SPEF2: variants seen among roughly 807,000 people sequenced by gnomAD.
The protein encoded by SPEF2 is sperm flagella and cilia-associated protein 2.
SPEF2 carries 187 observed loss-of-function variants against 224.6 expected under a neutral mutation model. The ratio of observed to expected loss-of-function variants is 0.83; its 90% CI spans 0.74 to 0.94. The LOEUF (loss-of-function observed/expected upper bound fraction) is 0.94. SPEF2 is among the 40% of genes least tolerant of loss of function. The pLI, the probability that SPEF2 is intolerant of heterozygous loss-of-function variation, is 0.00. For missense variants in SPEF2, 2,170 were observed against 2,135.6 expected, an observed-to-expected ratio of 1.02 and a Z score of -0.32; for synonymous variants, 715 against 707.3, an observed-to-expected ratio of 1.01 and a Z score of -0.17.
chr5:35,797,465 T>A (rs1424947733), intron 33 of SPEF2, among the ~76,000 whole-genome samples: 1 of 151,996 alleles, frequency 6.6e-6, no homozygotes, highest in Non-Finnish European at 1.5e-5. Flanking sequence ...TCAATGTTCT[T>A]ACACTGGGAT....
chr5:35,697,402 CA>C (rs1267848112), intron 14 of SPEF2, among the ~76,000 whole-genome samples: 5 of 152,072 alleles, frequency 3.3e-5, no homozygotes, highest in Non-Finnish European at 5.9e-5. Flanking sequence ...GGCTAGAGCC[CA>C]AGAAGAGAGC....
Position 35,795,765 on chromosome 5 carries a change from T to C in SPEF2, c.4800T>C (p.Leu1600=), listed in dbSNP as rs1193639438. Residue 1600 remains leucine, a synonymous_variant, in exon 33 of 37, where the codon CTT becomes CTC. Coordinates refer to ENST00000356031, the MANE Select transcript of SPEF2 (RefSeq NM_024867.4). ...IKIPENPLEP[L]PFNRQEHLIE... is the part of the protein sequence containing the mutation. ...TTCCAGAAAATCCTCTTGAACCCCT[T>C]CCATTTAATAGGCAGGAGCATCTTA... is the stretch of plus-strand genomic sequence containing the variant. 6.2e-7 allele frequency: 1 copy of C among 1,613,850 alleles called. No individual in the cohort carries two copies. Among genetic ancestry groups the C allele is most frequent in the East Asian group, 2.2e-5 (1 of 44,874 alleles).
intron 34 of SPEF2, 23 bp from the exon 35 acceptor site, chr5:35,806,684 G>A: frequency 1.9e-6 from 3 of 1,595,006 alleles, no homozygotes; most frequent in Non-Finnish European, 2.6e-6. Flanking sequence ...TTAACTTCAT[G>A]TTCTCTTCAT....
chr5:35,688,868 T>C (rs923735064), intron 10 of SPEF2, among the ~76,000 whole-genome samples: 2 of 152,216 alleles, frequency 1.3e-5, no homozygotes, highest in African/African-American at 2.4e-5. Flanking sequence ...TCAATTAGTA[T>C]CTTCATTGTC....
At chr5:35,719,948 G>T (rs550713787) in intron 20 of SPEF2, among the ~76,000 whole-genome samples, 1 of 152,232 alleles carries the variant, frequency 6.6e-6, no homozygotes, top group South Asian at 2.1e-4. Context: ...CTGACCACAG[G>T]TCAGGAACCC....
chr5:35,642,750 G>A (rs976766402), intron 3 of SPEF2, among the ~76,000 whole-genome samples: 2 of 152,076 alleles, frequency 1.3e-5, no homozygotes, highest in African/African-American at 4.8e-5. Context: ...TCAATGGATA[G>A]AATTATATTT....
At chr5:35,646,232 T>C (rs1287597827) in intron 4 of SPEF2, among the ~76,000 whole-genome samples, 2 of 152,150 alleles carry the variant, frequency 1.3e-5, no homozygotes, top group Admixed American at 6.5e-5. Flanking sequence ...GTGATTTTTA[T>C]TGGGTTTCGC....
intron 6 of SPEF2, among the ~76,000 whole-genome samples, chr5:35,652,048 T>C (rs7710694): frequency 1.3e-5 from 2 of 152,206 alleles, no homozygotes; most frequent in African/African-American, 4.8e-5. Flanking sequence ...GAAACACAAA[T>C]TTGACCAAGG....
At chr5:35,666,729 C>A (rs1265931372) in intron 8 of SPEF2, among the ~76,000 whole-genome samples, 1 of 152,172 alleles carries the variant, frequency 6.6e-6, no homozygotes, top group Non-Finnish European at 1.5e-5. Flanking sequence ...ACAAACTTGC[C>A]TGTTTCTCTC....
intron 1 of SPEF2, among the ~76,000 whole-genome samples, chr5:35,624,414 CT>C (rs1453387833): frequency 2.6e-5 from 4 of 152,290 alleles, no homozygotes; most frequent in African/African-American, 9.6e-5. Flanking sequence ...CAACCTGCCT[CT>C]TTTTCCCCCT....
intron 3 of SPEF2, chr5:35,643,642 A>G (rs1746918773): frequency 2.3e-6 from 1 of 432,456 alleles, no homozygotes; most frequent in Non-Finnish European, 4.7e-6. Context: ...AAGAGGTGAT[A>G]TCATAGGAAA....
At chr5:35,744,035 C>T (rs1035824480) in intron 23 of SPEF2, among the ~76,000 whole-genome samples, 3 of 152,152 alleles carry the variant, frequency 2.0e-5, no homozygotes, top group African/African-American at 7.2e-5. Flanking sequence ...ATCCTAAGTG[C>T]TTTTTGTCTT....
intron 2 of SPEF2, among the ~76,000 whole-genome samples, chr5:35,637,437 T>A (rs1269974066): frequency 1.3e-5 from 2 of 152,186 alleles, no homozygotes; most frequent in Non-Finnish European, 2.9e-5. Context: ...TTTGTTTGTC[T>A]GAAATGATAG....
At chr5:35,764,839 C>A (rs1445629310) in intron 26 of SPEF2, 1 of 399,098 alleles carries the variant, frequency 2.5e-6, no homozygotes, top group Admixed American at 3.2e-5. Context: ...CCGCTTATTT[C>A]TTTTCTCCCT....
At chr5:35,631,638 C>T (rs1164962169) in intron 2 of SPEF2, among the ~76,000 whole-genome samples, 3 of 152,176 alleles carry the variant, frequency 2.0e-5, no homozygotes, top group African/African-American at 4.8e-5. Flanking sequence ...AAAACCTATC[C>T]ATGTGATAAC....
At position 35,807,973 on chromosome 5, in the gene SPEF2, C is replaced by T. The variant is rs1233840238; in HGVS notation, c.5379+720C>T. ...AACACGAAGTCTCCCTGTTTGACTC[C>T]TGTGAGTTGTGTATTGAACTACAAA... On this transcript the variant is annotated intron_variant, in intron 36 of 36. Coordinates refer to ENST00000356031, the MANE Select transcript of SPEF2 (RefSeq NM_024867.4). The T allele has an allele frequency of 4.4e-6, 6 of 1,359,888 alleles. No individual in the cohort carries two copies. In the Admixed American group the frequency reaches 1.9e-4, roughly 42 times the overall value. 84.2% of individuals were successfully genotyped at this position (1,359,888 alleles called of 1,614,324 possible).
chr5:35,769,058 T>C (rs1427614855), intron 26 of SPEF2, among the ~76,000 whole-genome samples: 4 of 152,122 alleles, frequency 2.6e-5, no homozygotes, highest in African/African-American at 9.7e-5. Context: ...ATAAGCTAGA[T>C]TGCTGAATGA....
At chr5:35,741,107 A>C (rs1747551450) in intron 23 of SPEF2, among the ~76,000 whole-genome samples, 1 of 152,246 alleles carries the variant, frequency 6.6e-6, no homozygotes, top group Non-Finnish European at 1.5e-5. Context: ...AGTGAACAAA[A>C]TAAATCTGTG....
chr5:35,810,166 G>A (rs716302), intron 36 of SPEF2, among the ~76,000 whole-genome samples: 77,569 of 151,982 alleles, frequency 0.51, 22,435 homozygotes, highest in African/African-American at 0.8. Flanking sequence ...TAGCCTTTCC[G>A]AATAGGTGTT....
Sources: allele counts gnomAD v4.1 joint callset (sites outside exome capture counted in the v4.1 genomes callset), GRCh38; gene constraint gnomAD v4.1.1; transcripts MANE v1.5; gene names NCBI Gene and HGNC (gene_info 2026-07-23, HGNC 2026-07-21).